The following BCAS3 variants were observed in gnomAD, a reference collection of about 807,000 sequenced individuals.
BCAS3 encodes the protein BCAS4/BCAS3 fusion.
BCAS3 carries 53 observed loss-of-function variants against 116.1 expected under a neutral mutation model. That is an observed-to-expected ratio of 0.46 (90% CI 0.37 to 0.57). The LOEUF is 0.57. Ranked by LOEUF, BCAS3 falls within the 20% of genes least tolerant of loss-of-function variation. The pLI is 0.00. For missense variants in BCAS3, 917 were observed against 1,165.4 expected (o/e 0.79, Z 3.10); for synonymous variants, 391 against 408.2 (o/e 0.96, Z 0.51).
rs1474280934 is a variant in BCAS3, at chr17:61,214,079, AG to A, written c.2425+129517del. Among the ~76,000 whole-genome samples, 1 of 152,150 alleles carries A rather than the reference AG, an allele frequency of 6.6e-6. No individual in the cohort carries two copies. Among genetic ancestry groups the A allele is most frequent in the East Asian group, 1.9e-4 (1 of 5,182 alleles). On this transcript the variant is annotated intron_variant, in intron 22 of 23. Transcript: ENST00000407086. The surrounding 1 kb of genome is among the most constrained non-coding windows in gnomAD (Gnocchi z 4.4). ...TGGTTTCAAAACTCGTTTGAGCTAT[AG>A]GAATAGGCCATTCGTGGTGGCTCAC...
chr17:60,760,094 T>C (rs2043374328), intron 6 of BCAS3, among the ~76,000 whole-genome samples: 1 of 152,238 alleles, frequency 6.6e-6, no homozygotes, highest in Non-Finnish European at 1.5e-5. Context: ...GCATTTCTTG[T>C]AGCCATCATA....
At chr17:60,789,487 A>G (rs980525098) in intron 6 of BCAS3, among the ~76,000 whole-genome samples, 1 of 152,194 alleles carries the variant, frequency 6.6e-6, no homozygotes, top group Non-Finnish European at 1.5e-5. Context: ...TAAGCTTTTT[A>G]TAAATGTTTT....
intron 4 of BCAS3, among the ~76,000 whole-genome samples, chr17:60,700,070 A>T (rs2036180712): frequency 6.6e-6 from 1 of 151,930 alleles, no homozygotes; most frequent in Non-Finnish European, 1.5e-5. Context: ...GCTACATGGG[A>T]GGCTGAGGCA....
At chr17:60,911,972 A>G (rs1295000977) in intron 12 of BCAS3, among the ~76,000 whole-genome samples, 1 of 152,212 alleles carries the variant, frequency 6.6e-6, no homozygotes, top group Non-Finnish European at 1.5e-5. Context: ...TTAAAAATCT[A>G]GCTTCAGAAA....
At chr17:60,895,835 CT>C (rs1328968768) in intron 10 of BCAS3, among the ~76,000 whole-genome samples, 3 of 152,102 alleles carry the variant, frequency 2.0e-5, no homozygotes, top group Non-Finnish European at 4.4e-5. Context: ...TCCAGAGTCC[CT>C]TTTGGTATTT....
In BCAS3 at chr17:61,252,097, C is replaced by T. The variant is rs138957669; in HGVS notation, c.2426-116230C>T. Among the ~76,000 whole-genome samples, 305 of 152,304 alleles carry T rather than the reference C, an allele frequency of 2.0e-3. 1 individual carries two copies. Among genetic ancestry groups the T allele is most frequent in the Middle Eastern group, 0.014 (4 of 294 alleles). ...ATGCACTCTTAAAAGGCAATTAAAA[C>T]GTATGCTCCAAAACTATAAAACATT... is the stretch of plus-strand genomic sequence containing the variant. On this transcript the variant is annotated intron_variant, in intron 22 of 23. Coordinates refer to ENST00000407086, the MANE Select transcript of BCAS3 (RefSeq NM_017679.5).
rs973341027 is a variant in BCAS3, at chr17:61,241,084, A to T, written c.2426-127243A>T. ...CTCTCCATCACTTACCCTTCAAAAGACTCTGAATAGCAATTACAATACAGT... is the reference window on the plus strand; with the variant it reads ...CTCTCCATCACTTACCCTTCAAAAGTCTCTGAATAGCAATTACAATACAGT... On this transcript the variant is annotated intron_variant, in intron 22 of 23. Coordinates refer to ENST00000407086, the MANE Select transcript of BCAS3 (RefSeq NM_017679.5). This position sits in a 1 kb window ranked among gnomAD's most constrained non-coding sequence, Gnocchi z 4.6. Among the ~76,000 whole-genome samples, 2 of 152,116 alleles carry T rather than the reference A, an allele frequency of 1.3e-5. No individual in the cohort carries two copies. The highest frequency in any genetic ancestry group is 4.8e-5 in the African/African-American group (2 of 41,412).
Position 60,995,965 on chromosome 17 carries a change from A to G in BCAS3, c.1486+5730A>G, listed in dbSNP as rs948689594. ...TGACATCTGAGCAAAGATCTGGTGG[A>G]AGTAAGAGAGAAATTCATATAGAAC... On this transcript the variant is annotated intron_variant, in intron 15 of 23. Coordinates refer to ENST00000407086, the MANE Select transcript of BCAS3 (RefSeq NM_017679.5). The surrounding 1 kb of genome is among the most constrained non-coding windows in gnomAD (Gnocchi z 4.7). 6.6e-6 allele frequency among the ~76,000 whole-genome samples: 1 copy of G among 152,174 alleles called. No homozygotes were observed. The highest frequency in any genetic ancestry group is 1.5e-5 in the Non-Finnish European group (1 of 68,034).
intron 19 of BCAS3, among the ~76,000 whole-genome samples, chr17:61,058,564 A>G (rs1486073609): frequency 1.3e-5 from 2 of 152,194 alleles, no homozygotes; most frequent in South Asian, 2.1e-4. Flanking sequence ...CCAACAAACC[A>G]GTATTTTCTA....
intron 13 of BCAS3, among the ~76,000 whole-genome samples, chr17:60,945,675 C>T (rs1044110555): frequency 1.4e-4 from 21 of 152,020 alleles, no homozygotes; most frequent in Non-Finnish European, 2.8e-4. Context: ...GTGGCGCACA[C>T]CTGTAGTCCC....
intron 22 of BCAS3, among the ~76,000 whole-genome samples, chr17:61,336,900 G>A (rs2056765156): frequency 6.6e-6 from 1 of 152,116 alleles, no homozygotes; most frequent in Non-Finnish European, 1.5e-5. Context: ...ATCACTTGAG[G>A]TCAGGAGTTT....
chr17:60,999,426 A>G (rs975075148), intron 15 of BCAS3, among the ~76,000 whole-genome samples: 1 of 151,882 alleles, frequency 6.6e-6, no homozygotes, highest in African/African-American at 2.4e-5. Context: ...CTGTAATCCC[A>G]GCTACTCAGG....
chr17:61,383,006 GCAAA>G (rs1358386099), intron 23 of BCAS3: 4 of 152,342 alleles, frequency 2.6e-5, no homozygotes, highest in African/African-American at 9.6e-5. Context: ...GCCAGAAGTG[GCAAA>G]CAGTCCTGAG....
At chr17:60,679,097 C>T (rs1287943937) in intron 1 of BCAS3, among the ~76,000 whole-genome samples, 1 of 152,108 alleles carries the variant, frequency 6.6e-6, no homozygotes, top group Non-Finnish European at 1.5e-5. Context: ...TGGTGGCGCT[C>T]GCCTGTAATC....
intron 5 of BCAS3, among the ~76,000 whole-genome samples, chr17:60,715,868 A>G (rs578258911): frequency 8.6e-5 from 13 of 150,430 alleles, no homozygotes; most frequent in Non-Finnish European, 1.6e-4. Flanking sequence ...TTTTTATTTT[A>G]TTTTATTTTT....
intron 7 of BCAS3, among the ~76,000 whole-genome samples, chr17:60,825,749 C>G (rs1437838839): frequency 6.6e-6 from 1 of 151,576 alleles, no homozygotes; most frequent in Non-Finnish European, 1.5e-5. Context: ...TCTCTGCAAC[C>G]TCTTTTGTAA....
At chr17:61,308,293 G>A (rs1268046714) in intron 22 of BCAS3, among the ~76,000 whole-genome samples, 1 of 152,054 alleles carries the variant, frequency 6.6e-6, no homozygotes, top group Non-Finnish European at 1.5e-5. Flanking sequence ...ACATCAACAA[G>A]CATTAGCAGC....
chr17:60,974,000 T>C (rs1307626274), intron 14 of BCAS3, among the ~76,000 whole-genome samples: 1 of 152,188 alleles, frequency 6.6e-6, no homozygotes, highest in East Asian at 1.9e-4. Context: ...ACCAGAGTTA[T>C]TATTTAAGTA....
rs1044544749 is a variant in BCAS3 at position 61,219,575 on chromosome 17, C to T, written c.2425+135011C>T. ...TTGCTTGAGGCAGATAGCATCTCAG[C>T]GATCACTGTGCTATTTCAGCTTTCT... On this transcript the variant is annotated intron_variant, in intron 22 of 23. Coordinates refer to ENST00000407086, the MANE Select transcript of BCAS3 (RefSeq NM_017679.5). This position sits in a 1 kb window ranked among gnomAD's most constrained non-coding sequence, Gnocchi z 5.2. 1.6e-4 allele frequency among the ~76,000 whole-genome samples: 24 copies of T among 152,182 alleles called. No individual in the cohort carries two copies. Among genetic ancestry groups the T allele is most frequent in the African/African-American group, 4.8e-4 (20 of 41,446 alleles).
Sources: gnomAD v4.1 joint callset for allele counts (sites outside exome capture counted in the v4.1 genomes callset) on GRCh38, gnomAD v4.1.1 for gene constraint, Gnocchi (gnomAD v3.1) non-coding constraint, MANE v1.5 for transcripts, NCBI Gene and HGNC (gene_info 2026-07-23, HGNC 2026-07-21) for gene names.